The following USP3 variants were observed in gnomAD, a reference collection of about 807,000 sequenced individuals.
USP3 encodes ubiquitin carboxyl-terminal hydrolase 3.
A neutral mutation model predicts 72.3 loss-of-function variants in USP3; 20 were observed. That is an observed-to-expected ratio of 0.28 (90% CI 0.19 to 0.40). The LOEUF (loss-of-function observed/expected upper bound fraction) is 0.40. Ranked by LOEUF, USP3 falls within the 10% of genes least tolerant of loss-of-function variation. The probability of loss-of-function intolerance (pLI) is 1.00; values close to 1 mark genes in which losing one functional copy is unlikely to be tolerated. For synonymous variants in USP3, 222 were observed against 225.3 expected (o/e 0.99, Z 0.13); for missense variants, 479 against 633.9 (o/e 0.76, Z 2.62).
chr15:63,580,641 C>CATATATATATATATATATATATATATAT lies in USP3; in HGVS notation c.1096+6248_1096+6249insATATATATATATATATATATATATATAT, dbSNP rs1210661793. ...ATCTTAAGAGTTTCAGAAAGTGGTG[C>CATATATATATATATATATATATATATAT]ATATATATATGAATATATAATATAT... On this transcript the variant is annotated intron_variant, in intron 11 of 14. Coordinates refer to ENST00000380324, the MANE Select transcript of USP3 (RefSeq NM_006537.4). Among the ~76,000 whole-genome samples, 392 of 49,410 alleles carry CATATATATATATATATATATATATATAT rather than the reference C, an allele frequency of 7.9e-3. 8 individuals are homozygous for CATATATATATATATATATATATATATAT. Among genetic ancestry groups the CATATATATATATATATATATATATATAT allele is most frequent in the African/African-American group, 0.022 (227 of 10,522 alleles). The allele number at this position is 49,410 out of a possible 152,430, so 32.4% of individuals were successfully genotyped here. A position where few individuals can be genotyped will look rare whatever the true frequency, so the allele number is the denominator to read the frequency against.
chr15:63,516,394 A>G (rs1214829009), intron 1 of USP3, among the ~76,000 whole-genome samples: 2 of 151,974 alleles, frequency 1.3e-5, no homozygotes, highest in Non-Finnish European at 2.9e-5. Flanking sequence ...TATTTCTTGG[A>G]TCCCATGTCT....
At chr15:63,518,492 T>C (rs1416554191) in intron 1 of USP3, among the ~76,000 whole-genome samples, 1 of 152,226 alleles carries the variant, frequency 6.6e-6, no homozygotes, top group Admixed American at 6.5e-5. Context: ...GTGTTTTAGT[T>C]TTTAAAAAGT....
chr15:63,566,157 T>C (rs1223814287), intron 8 of USP3, among the ~76,000 whole-genome samples: 4 of 152,194 alleles, frequency 2.6e-5, no homozygotes, highest in Admixed American at 2.0e-4. Context: ...ACTTTATTTT[T>C]TTAAATCAGT....
intron 3 of USP3, among the ~76,000 whole-genome samples, chr15:63,542,935 A>G (rs1231096105): frequency 1.3e-5 from 2 of 152,230 alleles, no homozygotes; most frequent in South Asian, 2.1e-4. Context: ...AAATGATACA[A>G]TAGAATAGCT....
intron 11 of USP3, among the ~76,000 whole-genome samples, chr15:63,575,217 G>C (rs2066844547): frequency 6.9e-6 from 1 of 144,788 alleles, no homozygotes; most frequent in African/African-American, 2.6e-5. Context: ...ATAACCACGA[G>C]TCATGTAGCT....
intron 2 of USP3, chr15:63,533,902 C>A (rs2066114741): frequency 3.4e-6 from 4 of 1,169,204 alleles, no homozygotes; most frequent in Non-Finnish European, 3.2e-6. Context: ...ACAGATTCCT[C>A]TCCTAGATTT....
chr15:63,509,608 G>A (rs1180207942), intron 1 of USP3, among the ~76,000 whole-genome samples: 1 of 152,152 alleles, frequency 6.6e-6, no homozygotes, highest in Middle Eastern at 3.2e-3. Context: ...CTAAAAAGTA[G>A]TATTTGAGTT....
At chr15:63,586,817 G>T (rs2067074397) in intron 11 of USP3, 1 of 152,230 alleles carries the variant, frequency 6.6e-6, no homozygotes, top group African/African-American at 2.4e-5. Flanking sequence ...TCCACTGGAG[G>T]TTGAGAAAGT....
intron 1 of USP3, among the ~76,000 whole-genome samples, chr15:63,531,537 G>A (rs1040397286): frequency 2.0e-5 from 3 of 152,094 alleles, no homozygotes; most frequent in African/African-American, 4.8e-5. Flanking sequence ...TTCAGTGTAC[G>A]CTGAAAGGGC....
intron 1 of USP3, among the ~76,000 whole-genome samples, 171 bp downstream of exon 1, chr15:63,505,001 C>T (rs2065689887): frequency 1.3e-5 from 2 of 150,404 alleles, no homozygotes; most frequent in East Asian, 3.9e-4. Flanking sequence ...GCGGGAGCGG[C>T]GGCGGCTCCT....
intron 1 of USP3, among the ~76,000 whole-genome samples, chr15:63,527,145 C>T (rs144138789): frequency 3.3e-5 from 5 of 152,320 alleles, no homozygotes; most frequent in Non-Finnish European, 7.3e-5. Context: ...AATCCTCCCA[C>T]CTTGGCCTCC....
chr15:63,560,420 A>G (rs893872638), intron 7 of USP3, among the ~76,000 whole-genome samples: 23 of 151,982 alleles, frequency 1.5e-4, no homozygotes, highest in Admixed American at 4.6e-4. Context: ...CATCTCAAAA[A>G]AAAAAAAAAA....
At chr15:63,537,470 A>G (rs2152661854) in intron 3 of USP3, among the ~76,000 whole-genome samples, 1 of 152,302 alleles carries the variant, frequency 6.6e-6, no homozygotes, top group South Asian at 2.1e-4. Context: ...AAATTGAAGA[A>G]CAATGTGATA....
chr15:63,512,101 G>A (rs938916030), intron 1 of USP3, among the ~76,000 whole-genome samples: 1 of 151,570 alleles, frequency 6.6e-6, no homozygotes, highest in Admixed American at 6.6e-5. Flanking sequence ...GATTACAGAC[G>A]CACACCACCA....
chr15:63,547,809 A>G (rs1377397107), intron 3 of USP3, among the ~76,000 whole-genome samples: 3 of 80,112 alleles, frequency 3.7e-5, no homozygotes, highest in Admixed American at 2.2e-4. Flanking sequence ...AGGCATAGAG[A>G]GAGGCATAGA....
rs1215326771 is a variant in USP3, at chr15:63,590,868, C to T, written c.*42C>T. 3.2e-6 allele frequency: 5 copies of T among 1,546,422 alleles called. No homozygotes were observed. Among genetic ancestry groups the T allele is most frequent in the Non-Finnish European group, 4.4e-6 (5 of 1,145,704 alleles). On this transcript the variant is annotated 3_prime_UTR_variant, in exon 15 of 15. Transcript: ENST00000380324. ...TCATTCACCAACCATACCAGAGAAACATTTCCAGTTTTCCACAAATACTTG... is the reference window on the plus strand; with the variant it reads ...TCATTCACCAACCATACCAGAGAAATATTTCCAGTTTTCCACAAATACTTG...
intron 3 of USP3, among the ~76,000 whole-genome samples, chr15:63,537,976 G>A (rs974255856): frequency 1.3e-5 from 2 of 151,282 alleles, no homozygotes; most frequent in African/African-American, 2.4e-5. Flanking sequence ...ATGAGCCACC[G>A]CTTCCAGTGC....
At chr15:63,527,378 G>A (rs2065998548) in intron 1 of USP3, among the ~76,000 whole-genome samples, 1 of 152,198 alleles carries the variant, frequency 6.6e-6, no homozygotes, top group Non-Finnish European at 1.5e-5. Flanking sequence ...AGAAGAAAAA[G>A]AGCCTTCTCT....
chr15:63,548,559 C>T (rs1264642050), intron 3 of USP3, among the ~76,000 whole-genome samples: 4 of 152,114 alleles, frequency 2.6e-5, no homozygotes, highest in Non-Finnish European at 5.9e-5. Context: ...AACTCCTGAC[C>T]TCAGGTGATC....
Sources: gnomAD v4.1 joint callset for allele counts (sites outside exome capture counted in the v4.1 genomes callset) on GRCh38, gnomAD v4.1.1 for gene constraint, MANE v1.5 for transcripts, NCBI Gene and HGNC (gene_info 2026-07-23, HGNC 2026-07-21) for gene names.